The following UIMC1 variants were observed in gnomAD, a reference collection of about 807,000 sequenced individuals.
UIMC1 encodes BRCA1-A complex subunit RAP80.
A neutral mutation model predicts 84.9 loss-of-function variants in UIMC1; 42 were observed. The observed-to-expected ratio is 0.49, with a 90% CI of 0.39 to 0.64. UIMC1 has a LOEUF of 0.64. Ranked by LOEUF, UIMC1 falls within the 30% of genes least tolerant of loss-of-function variation. UIMC1 has a pLI of 0.00. For synonymous variants in UIMC1, 281 were observed against 293.0 expected (o/e 0.96, Z 0.42); for missense variants, 825 against 847.6 (o/e 0.97, Z 0.33).
chr5:176,995,673 C>CTCTACTACA (rs1218882377), intron 1 of UIMC1, among the ~76,000 whole-genome samples: 1 of 151,150 alleles, frequency 6.6e-6, no homozygotes, highest in Non-Finnish European at 1.5e-5. Context: ...GAAACCCCAT[C>CTCTACTACA]TCTACTACAA....
At chr5:176,966,883 A>G (rs984668805) in intron 6 of UIMC1, among the ~76,000 whole-genome samples, 2 of 152,246 alleles carry the variant, frequency 1.3e-5, no homozygotes, top group African/African-American at 2.4e-5. Flanking sequence ...AATGATCATA[A>G]GATCTAACAG....
chr5:176,972,050 T>C (rs1020258605), intron 3 of UIMC1, among the ~76,000 whole-genome samples: 7 of 152,164 alleles, frequency 4.6e-5, no homozygotes, highest in African/African-American at 1.7e-4. Flanking sequence ...TTTATCCTAC[T>C]TTTTCTACAC....
At chr5:176,925,010 G>A (rs1317746073) in intron 10 of UIMC1, among the ~76,000 whole-genome samples, 4 of 137,082 alleles carry the variant, frequency 2.9e-5, no homozygotes, top group African/African-American at 1.1e-4. Flanking sequence ...CAGCCTGGGC[G>A]ACAGAGCAAG....
chr5:177,010,676 T>C (rs1419154901), upstream of UIMC1, among the ~76,000 whole-genome samples: 3 of 152,018 alleles, frequency 2.0e-5, no homozygotes, highest in African/African-American at 7.2e-5. Flanking sequence ...CGTGTGCCAC[T>C]GCACCTGGCT....
chr5:177,020,139 C>T (rs555836477), intron 1 of UIMC1, among the ~76,000 whole-genome samples: 9 of 152,194 alleles, frequency 5.9e-5, no homozygotes, highest in Non-Finnish European at 1.2e-4. Flanking sequence ...TCTTTGGCCT[C>T]CTCTGATATT....
intron 9 of UIMC1, among the ~76,000 whole-genome samples, chr5:176,946,817 AGAGG>A (rs1054266863): frequency 2.2e-4 from 34 of 152,336 alleles, no homozygotes; most frequent in African/African-American, 7.7e-4. Context: ...CCTAGGCAAC[AGAGG>A]GAGACCCGGC....
intron 1 of UIMC1, among the ~76,000 whole-genome samples, chr5:176,995,892 G>A (rs917731221): frequency 1.3e-5 from 2 of 149,276 alleles, no homozygotes; most frequent in African/African-American, 4.9e-5. Context: ...ATCCACTTTG[G>A]AAAACAGTTT....
chr5:176,987,557 G>A (rs770368926), intron 1 of UIMC1, among the ~76,000 whole-genome samples: 4 of 152,066 alleles, frequency 2.6e-5, no homozygotes, highest in Non-Finnish European at 5.9e-5. Flanking sequence ...GGAGGCTGAG[G>A]TAAAAGGACT....
intron 6 of UIMC1, among the ~76,000 whole-genome samples, chr5:176,965,491 T>G (rs1365570053): frequency 6.6e-6 from 1 of 152,148 alleles, no homozygotes; most frequent in African/African-American, 2.4e-5. Context: ...TTATTTTTAT[T>G]TATTTATTTT....
Position 176,969,765 on chromosome 5 carries a change from G to A in UIMC1, c.358-59C>T, listed in dbSNP as rs905492511. 7 of 1,479,970 alleles carry A rather than the reference G, an allele frequency of 4.7e-6. No individual in the cohort carries two copies. The African/African-American group carries it at 5.6e-5, about 12-fold the overall frequency. The allele number at this position is 1,479,970 out of a possible 1,614,324, so 91.7% of individuals were successfully genotyped here. On this transcript the variant is annotated intron_variant, in intron 4 of 14. Coordinates refer to ENST00000511320, the MANE Select transcript of UIMC1 (RefSeq NM_001199298.2). ...ATTATTAAAATAACTATATATGAAG[G>A]GTCACAGGAAGGACAAAATGGGAGG...
intron 9 of UIMC1, among the ~76,000 whole-genome samples, chr5:176,949,422 G>A (rs1004211874): frequency 4.0e-4 from 61 of 152,332 alleles, no homozygotes; most frequent in African/African-American, 1.3e-3. Flanking sequence ...TCATGGATGG[G>A]TATGAAATCA....
chr5:176,923,379 T>C (rs1041796610), intron 10 of UIMC1, among the ~76,000 whole-genome samples: 1 of 152,012 alleles, frequency 6.6e-6, no homozygotes, highest in Admixed American at 6.6e-5. Context: ...TTCTACCAGA[T>C]AAAATACACT....
At chr5:176,985,081 T>C (rs1467420638) in intron 1 of UIMC1, among the ~76,000 whole-genome samples, 1 of 151,930 alleles carries the variant, frequency 6.6e-6, no homozygotes, top group Non-Finnish European at 1.5e-5. Flanking sequence ...CACCCAAGAA[T>C]GATCAATAAA....
intron 10 of UIMC1, among the ~76,000 whole-genome samples, chr5:176,918,404 G>A (rs1761290357): frequency 6.6e-6 from 1 of 152,218 alleles, no homozygotes; most frequent in Admixed American, 6.5e-5. Flanking sequence ...TTCCAAGAGA[G>A]GAGTAAGCCT....
At chr5:176,911,112 G>A (rs1482520085) in intron 11 of UIMC1, among the ~76,000 whole-genome samples, 199 bp downstream of exon 11, 3 of 116,974 alleles carry the variant, frequency 2.6e-5, no homozygotes, top group Non-Finnish European at 3.5e-5. Context: ...GAGAGAGAGA[G>A]AAGAAAAGAA....
intron 1 of UIMC1, among the ~76,000 whole-genome samples, chr5:177,005,676 AAC>A (rs1775150272): frequency 6.6e-6 from 1 of 152,038 alleles, no homozygotes; most frequent in Non-Finnish European, 1.5e-5. Context: ...TGATTCCAAA[AAC>A]ACACTTTCAT....
At chr5:176,910,189 C>G (rs1020605923) in intron 11 of UIMC1, among the ~76,000 whole-genome samples, 1 of 152,190 alleles carries the variant, frequency 6.6e-6, no homozygotes, top group Non-Finnish European at 1.5e-5. Flanking sequence ...CGAATGTCTA[C>G]ATTACAGTAA....
intron 10 of UIMC1, among the ~76,000 whole-genome samples, chr5:176,942,767 A>AG (rs1368291473): frequency 6.8e-6 from 1 of 148,112 alleles, no homozygotes; most frequent in African/African-American, 2.5e-5. Context: ...AAAAAAAAAA[A>AG]GGTTGGGCCA....
chr5:176,946,145 A>C (rs571220242), intron 9 of UIMC1, among the ~76,000 whole-genome samples: 2 of 152,318 alleles, frequency 1.3e-5, no homozygotes, highest in South Asian at 4.1e-4. Context: ...CCCCAGGACC[A>C]GAAGGCAGTG....
Sources: gnomAD v4.1 joint callset for allele counts (sites outside exome capture counted in the v4.1 genomes callset) on GRCh38, gnomAD v4.1.1 for gene constraint, MANE v1.5 for transcripts, NCBI Gene and HGNC (gene_info 2026-07-23, HGNC 2026-07-21) for gene names.